CFAP54: variants seen among roughly 807,000 people sequenced by gnomAD.
CFAP54 encodes cilia- and flagella-associated protein 54.
CFAP54 carries 290 observed loss-of-function variants against 370.4 expected under a neutral mutation model. The observed-to-expected ratio is 0.78, with a 90% confidence interval of 0.71 to 0.86. CFAP54 has a LOEUF of 0.86. Ranked by LOEUF, CFAP54 falls within the 40% of genes least tolerant of loss-of-function variation. The pLI, the probability that CFAP54 is intolerant of heterozygous loss-of-function variation, is 0.00. For missense variants in CFAP54, 3,399 were observed against 3,528.7 expected (o/e 0.96, Z 0.93); for synonymous variants, 1,206 against 1,236.5 (o/e 0.98, Z 0.52).
chr12:96,666,578 G>A (rs892248110), intron 39 of CFAP54, among the ~76,000 whole-genome samples: 3 of 152,214 alleles, frequency 2.0e-5, no homozygotes, highest in African/African-American at 4.8e-5. Context: ...ATGTGCAGGG[G>A]AACTGCCCTT....
chr12:96,643,150 AT>A (rs1366076403), intron 32 of CFAP54, among the ~76,000 whole-genome samples: 1 of 152,200 alleles, frequency 6.6e-6, no homozygotes, highest in African/African-American at 2.4e-5. Flanking sequence ...TATTAAAAAG[AT>A]TCACATTTAT....
intron 13 of CFAP54, among the ~76,000 whole-genome samples, chr12:96,539,136 C>A (rs1444505275): frequency 7.3e-6 from 1 of 137,176 alleles, no homozygotes. Flanking sequence ...CATTGGCTAA[C>A]TGCAACCTCT....
chr12:96,619,262 T>C (rs1956458869), intron 26 of CFAP54, among the ~76,000 whole-genome samples: 1 of 152,216 alleles, frequency 6.6e-6, no homozygotes, highest in Admixed American at 6.5e-5. Flanking sequence ...GAATTGCCAT[T>C]CTAGAAGCTT....
chr12:96,647,471 C>CCAAAAAAAAAAAAA (rs1956808479), intron 33 of CFAP54, among the ~76,000 whole-genome samples: 1 of 10,688 alleles, frequency 9.4e-5, no homozygotes, highest in Non-Finnish European at 2.5e-4. Context: ...AGACTCTGTC[C>CCAAAAAAAAAAAAA]CAAAAAAAAA....
intron 7 of CFAP54, 37 bp downstream of exon 7, chr12:96,522,007 ACT>A (rs1242683755): frequency 4.6e-6 from 7 of 1,514,258 alleles, no homozygotes; most frequent in Non-Finnish European, 6.2e-6. Context: ...AATTTACCAC[ACT>A]CTACAGCTGA....
At chr12:96,647,621 A>AT (rs1027729212) in intron 33 of CFAP54, among the ~76,000 whole-genome samples, 5 of 151,948 alleles carry the variant, frequency 3.3e-5, no homozygotes, top group African/African-American at 1.2e-4. Flanking sequence ...CGGCACAGAT[A>AT]TTTTTATTCC....
chr12:96,806,256 T>C (rs1344776351), intron 63 of CFAP54, among the ~76,000 whole-genome samples: 1 of 134,544 alleles, frequency 7.4e-6, no homozygotes, highest in African/African-American at 2.7e-5. Flanking sequence ...AAACAAAGGC[T>C]GTTTTATTGA....
At chr12:96,826,702 T>A (rs1407696476) in intron 65 of CFAP54, among the ~76,000 whole-genome samples, 1 of 111,410 alleles carries the variant, frequency 9.0e-6, no homozygotes, top group Non-Finnish European at 1.6e-5. Flanking sequence ...TATTATAATA[T>A]ATAAATTAAT....
intron 48 of CFAP54, among the ~76,000 whole-genome samples, chr12:96,717,835 A>G (rs935957564): frequency 2.6e-5 from 4 of 152,212 alleles, no homozygotes; most frequent in African/African-American, 9.6e-5. Context: ...AGGAAAAACT[A>G]TATCAGTAGC....
At chr12:96,564,355 A>G in intron 17 of CFAP54, 113 bp from the exon 18 acceptor site, 1 of 497,958 alleles carries the variant, frequency 2.0e-6, no homozygotes, top group Non-Finnish European at 3.5e-6. Flanking sequence ...AATGAAAAAA[A>G]TGACATGACA....
At chr12:96,677,163 C>T (rs1489967361) in intron 39 of CFAP54, among the ~76,000 whole-genome samples, 1 of 147,036 alleles carries the variant, frequency 6.8e-6, no homozygotes, top group Non-Finnish European at 1.5e-5. Flanking sequence ...CCCCTGCACC[C>T]AGCTAACTTA....
intron 4 of CFAP54, among the ~76,000 whole-genome samples, chr12:96,511,004 G>C (rs983500834): frequency 6.6e-6 from 1 of 150,760 alleles, no homozygotes; most frequent in African/African-American, 2.4e-5. Context: ...ATGAAGAGTA[G>C]AGGTCAACAA....
intron 60 of CFAP54, among the ~76,000 whole-genome samples, chr12:96,766,102 T>C (rs1162048453): frequency 6.6e-6 from 1 of 152,172 alleles, no homozygotes; most frequent in Non-Finnish European, 1.5e-5. Context: ...GTGATCTTCC[T>C]AATACTTCTG....
intron 57 of CFAP54, among the ~76,000 whole-genome samples, chr12:96,757,019 T>C (rs1171866124): frequency 6.6e-6 from 1 of 152,196 alleles, no homozygotes; most frequent in Non-Finnish European, 1.5e-5. Flanking sequence ...GGTGCACTGA[T>C]CCCCAGCTGA....
chr12:96,765,345 G>T (rs901064862), intron 60 of CFAP54, 127 bp downstream of exon 60: 2 of 791,266 alleles, frequency 2.5e-6, no homozygotes, highest in African/African-American at 3.5e-5. Flanking sequence ...GGCACTTCCA[G>T]GGGATCATAG....
chr12:96,789,335 G>A (rs1265203468), intron 62 of CFAP54, among the ~76,000 whole-genome samples: 2 of 152,194 alleles, frequency 1.3e-5, no homozygotes, highest in Non-Finnish European at 2.9e-5. Context: ...TAATGTTAAT[G>A]TCTGGCCCTG....
intron 38 of CFAP54, among the ~76,000 whole-genome samples, chr12:96,660,971 A>G (rs534054847): frequency 6.6e-6 from 1 of 152,304 alleles, no homozygotes; most frequent in Admixed American, 6.5e-5. Flanking sequence ...AGAGATACAT[A>G]GGGTGAGGCA....
chr12:96,507,354 C>T (rs181853149), intron 4 of CFAP54, among the ~76,000 whole-genome samples: 59 of 152,132 alleles, frequency 3.9e-4, no homozygotes, highest in Admixed American at 1.6e-3. Flanking sequence ...AAAGCAGGGC[C>T]GCAGTTAACA....
intron 22 of CFAP54, among the ~76,000 whole-genome samples, chr12:96,587,409 C>G (rs1478713163): frequency 1.3e-5 from 2 of 152,106 alleles, no homozygotes; most frequent in Admixed American, 6.6e-5. Flanking sequence ...AAGCGAAGGT[C>G]AGGCATCAAA....
Sources: allele counts gnomAD v4.1 joint callset (sites outside exome capture counted in the v4.1 genomes callset), GRCh38; gene constraint gnomAD v4.1.1; transcripts MANE v1.5; gene names NCBI Gene and HGNC (gene_info 2026-07-23, HGNC 2026-07-21).